Variants in NELL1 observed in about 807,000 individuals in gnomAD.
NELL1 encodes the protein protein kinase C-binding protein NELL1.
Under a neutral mutation model 107.4 loss-of-function variants are expected in NELL1, and 76 were observed. The ratio of observed to expected loss-of-function variants is 0.71; its 90% CI spans 0.59 to 0.86. NELL1 has a LOEUF of 0.86. Ranked by LOEUF, NELL1 falls within the 40% of genes least tolerant of loss-of-function variation. The pLI, the probability that NELL1 is intolerant of heterozygous loss-of-function variation, is 0.00. For synonymous variants in NELL1, 353 were observed against 341.2 expected (o/e 1.03, Z -0.38); for missense variants, 1,024 against 1,005.5 (o/e 1.02, Z -0.25).
intron 15 of NELL1, among the ~76,000 whole-genome samples, chr11:21,534,043 C>CA (rs937116505): frequency 2.0e-5 from 3 of 150,354 alleles, no homozygotes; most frequent in African/African-American, 7.3e-5. Context: ...ATTTTTAATC[C>CA]AAAAAAAAAG....
intron 14 of NELL1, among the ~76,000 whole-genome samples, chr11:21,285,384 G>A (rs1329508941): frequency 6.6e-6 from 1 of 152,112 alleles, no homozygotes; most frequent in African/African-American, 2.4e-5. Context: ...TCTCTCTAGA[G>A]GTCGTTAATG....
intron 3 of NELL1, among the ~76,000 whole-genome samples, chr11:20,843,682 T>C (rs1848657758): frequency 1.0e-5 from 1 of 98,414 alleles, no homozygotes; most frequent in Non-Finnish European, 2.9e-5. Context: ...TTTAATATTA[T>C]GTATGTAATC....
chr11:21,497,914 C>A (rs988760892), intron 15 of NELL1, among the ~76,000 whole-genome samples: 1 of 151,518 alleles, frequency 6.6e-6, no homozygotes, highest in Non-Finnish European at 1.5e-5. Flanking sequence ...TTTATTATAC[C>A]CTGTGTCTTT....
At chr11:20,768,746 G>A (rs1260512836) in intron 2 of NELL1, among the ~76,000 whole-genome samples, 13 of 152,240 alleles carry the variant, frequency 8.5e-5, no homozygotes, top group South Asian at 8.3e-4. Flanking sequence ...TGGAGATGGA[G>A]GAAGAAGACA....
At chr11:21,548,615 C>T (rs1228180854) in intron 16 of NELL1, among the ~76,000 whole-genome samples, 1 of 151,702 alleles carries the variant, frequency 6.6e-6, no homozygotes, top group Non-Finnish European at 1.5e-5. Context: ...TCTCCCACAA[C>T]ATGTGGGAAT....
chr11:21,510,903 T>A (rs1855419689), intron 15 of NELL1, among the ~76,000 whole-genome samples: 1 of 152,212 alleles, frequency 6.6e-6, no homozygotes, highest in African/African-American at 2.4e-5. Context: ...ATTTCAATGA[T>A]TAAAATTGAA....
intron 13 of NELL1, among the ~76,000 whole-genome samples, chr11:21,222,233 G>T (rs1857775657): frequency 6.6e-6 from 1 of 152,070 alleles, no homozygotes; most frequent in South Asian, 2.1e-4. Flanking sequence ...AGGCTGGATG[G>T]CAGTGGTGCG....
intron 12 of NELL1, among the ~76,000 whole-genome samples, chr11:21,108,251 G>A (rs571815864): frequency 4.6e-4 from 70 of 152,096 alleles, no homozygotes; most frequent in African/African-American, 1.6e-3. Flanking sequence ...CGCTTCTATC[G>A]GTTACCCAGG....
At chr11:20,982,375 G>T (rs924955359) in intron 12 of NELL1, among the ~76,000 whole-genome samples, 3 of 152,154 alleles carry the variant, frequency 2.0e-5, no homozygotes, top group African/African-American at 7.2e-5. Flanking sequence ...TTTCAGTTTT[G>T]CAGATGAGGG....
At chr11:20,767,365 T>C (rs963917359) in intron 2 of NELL1, among the ~76,000 whole-genome samples, 4 of 152,186 alleles carry the variant, frequency 2.6e-5, no homozygotes, top group African/African-American at 9.6e-5. Flanking sequence ...TGCTGATTAG[T>C]TCATTTTACA....
intron 15 of NELL1, among the ~76,000 whole-genome samples, chr11:21,497,705 A>G (rs1855019369): frequency 6.6e-6 from 1 of 152,096 alleles, no homozygotes; most frequent in South Asian, 2.1e-4. Context: ...CATAAACTCC[A>G]GTTTTTGTGT....
chr11:21,149,923 C>A (rs1168842927), intron 13 of NELL1, among the ~76,000 whole-genome samples: 1 of 152,042 alleles, frequency 6.6e-6, no homozygotes, highest in African/African-American at 2.4e-5. Flanking sequence ...CAGAGTGAAG[C>A]TGTAAATAAC....
At chr11:21,470,462 C>G (rs534495227) in intron 15 of NELL1, among the ~76,000 whole-genome samples, 55 of 152,206 alleles carry the variant, frequency 3.6e-4, no homozygotes, top group Non-Finnish European at 7.1e-4. Flanking sequence ...TTGTCTTCAT[C>G]ATTTTAAATG....
rs199575904 is a variant in NELL1 at position 21,472,155 on chromosome 11, G to T, written c.1646-62219G>T. On this transcript the variant is annotated intron_variant, in intron 15 of 19. Coordinates refer to ENST00000357134, the MANE Select transcript of NELL1 (RefSeq NM_006157.5). Reference sequence around the variant, plus strand: ...CAAGATTTGCTTTCTGTTTTGTTTTGTTTGTTTGTTTGTTTGTTTGTTTGT... The same window carrying T: ...CAAGATTTGCTTTCTGTTTTGTTTTTTTTGTTTGTTTGTTTGTTTGTTTGT... Among the ~76,000 whole-genome samples the T allele has an allele frequency of 2.8e-3, 7 of 2,464 alleles. No individual in the cohort carries two copies. In the Admixed American group the frequency reaches 0.03, roughly 11 times the overall value. The allele number at this position is 2,464 out of a possible 152,430, so 1.6% of individuals were successfully genotyped here.
intron 13 of NELL1, among the ~76,000 whole-genome samples, chr11:21,152,280 C>A (rs1279265092): frequency 6.6e-6 from 1 of 152,088 alleles, no homozygotes; most frequent in Non-Finnish European, 1.5e-5. Context: ...TTTCCTGATC[C>A]CAATTCTCTC....
chr11:20,995,318 ACACCTGTAATCCCAG>A (rs965794085), intron 12 of NELL1, among the ~76,000 whole-genome samples: 21 of 152,174 alleles, frequency 1.4e-4, no homozygotes, highest in African/African-American at 4.3e-4. Flanking sequence ...GCGGTGGCTC[ACACCTGTAATCCCAG>A]CACTTTGGGA....
intron 15 of NELL1, among the ~76,000 whole-genome samples, chr11:21,404,266 C>A: frequency 6.6e-6 from 1 of 151,866 alleles, no homozygotes; most frequent in Non-Finnish European, 1.5e-5. Flanking sequence ...TTTCCTTTTA[C>A]TGGACCCACA....
intron 12 of NELL1, among the ~76,000 whole-genome samples, chr11:20,978,420 A>G (rs1033478814): frequency 1.1e-4 from 17 of 150,102 alleles, no homozygotes; most frequent in Non-Finnish European, 1.5e-4. Context: ...ATCCAATATT[A>G]TATTTGTCTT....
chr11:21,037,526 T>A (rs1448496325), intron 12 of NELL1, among the ~76,000 whole-genome samples: 1 of 152,194 alleles, frequency 6.6e-6, no homozygotes, highest in Non-Finnish European at 1.5e-5. Flanking sequence ...AGTCCACATG[T>A]TCCCCGATGT....
Sources: allele counts gnomAD v4.1 joint callset (sites outside exome capture counted in the v4.1 genomes callset), GRCh38; gene constraint gnomAD v4.1.1; transcripts MANE v1.5; gene names NCBI Gene and HGNC (gene_info 2026-07-23, HGNC 2026-07-21).